The following LRIG3 variants were observed in gnomAD, a reference collection of about 807,000 sequenced individuals.
LRIG3 encodes leucine rich repeats and immunoglobulin like domains 3.
In LRIG3, 76 loss-of-function variants were observed where a neutral mutation model predicts 114.5. That is an observed-to-expected ratio of 0.66 (90% CI 0.55 to 0.80). The LOEUF (loss-of-function observed/expected upper bound fraction) is 0.80. LRIG3 is among the 30% of genes least tolerant of loss of function. LRIG3 has a pLI of 0.00. For synonymous variants in LRIG3, 512 were observed against 519.8 expected (o/e 0.98, Z 0.20); for missense variants, 1,239 against 1,382.8 (o/e 0.90, Z 1.65).
At chr12:58,879,148 T>C in intron 13 of LRIG3, 43 bp from the exon 14 acceptor site, 2 of 1,543,664 alleles carry the variant, frequency 1.3e-6, no homozygotes, top group Non-Finnish European at 1.8e-6. Flanking sequence ...CAGTGGAGTC[T>C]TACAGGTTCA....
Position 58,909,400 on chromosome 12 carries a change from C to A in LRIG3, c.383+4582G>T, listed in dbSNP as rs144440722. ...CATTCTCCTTTCTTTCTCTTCATAG[C>A]ATTGATCATGAACTGATGTTATCTT... is the stretch of plus-strand genomic sequence containing the variant. On this transcript the variant is annotated intron_variant, in intron 3 of 18. Coordinates refer to ENST00000320743, the MANE Select transcript of LRIG3 (RefSeq NM_153377.5). Among the ~76,000 whole-genome samples, 369 of 152,296 alleles carry A rather than the reference C, an allele frequency of 2.4e-3. 3 individuals carry two copies. Among genetic ancestry groups the A allele is most frequent in the African/African-American group, 7.4e-3 (307 of 41,560 alleles).
intron 3 of LRIG3, among the ~76,000 whole-genome samples, chr12:58,900,680 C>T (rs1300469540): frequency 1.3e-5 from 2 of 152,158 alleles, no homozygotes; most frequent in Admixed American, 6.5e-5. Flanking sequence ...GATGATAGTA[C>T]AAACCAGAAA....
intron 3 of LRIG3, among the ~76,000 whole-genome samples, chr12:58,908,342 C>T (rs1872145771): frequency 6.6e-6 from 1 of 152,134 alleles, no homozygotes; most frequent in South Asian, 2.1e-4. Flanking sequence ...GGTTTTGTCA[C>T]TGTTGTGCAT....
intron 1 of LRIG3, among the ~76,000 whole-genome samples, chr12:58,919,744 G>T (rs1192212664): frequency 6.6e-6 from 1 of 152,134 alleles, no homozygotes; most frequent in African/African-American, 2.4e-5. Flanking sequence ...GTCGTTACTG[G>T]CCCCCAACCC....
chr12:58,876,382 A>T, intron 16 of LRIG3, 63 bp downstream of exon 16: 1 of 1,548,754 alleles, frequency 6.5e-7, no homozygotes, highest in Non-Finnish European at 8.8e-7. Flanking sequence ...TGAATATCAT[A>T]TCTGAGCCTT....
intron 1 of LRIG3, 66 bp from the exon 2 acceptor site, chr12:58,914,402 T>A (rs1305147122): frequency 2.4e-6 from 3 of 1,242,036 alleles, no homozygotes; most frequent in Non-Finnish European, 3.5e-6. Flanking sequence ...TAACTGGGCT[T>A]ATGAAGTATC....
intron 3 of LRIG3, among the ~76,000 whole-genome samples, chr12:58,895,302 A>G (rs551275683): frequency 8.5e-5 from 13 of 152,256 alleles, no homozygotes; most frequent in African/African-American, 3.1e-4. Context: ...AGGAGTGGGC[A>G]GTGGAAGTAC....
intron 1 of LRIG3, among the ~76,000 whole-genome samples, chr12:58,917,333 G>T (rs1341620260): frequency 6.6e-6 from 1 of 152,166 alleles, no homozygotes; most frequent in African/African-American, 2.4e-5. Context: ...CAACTTTTCC[G>T]TCTCTGGGCT....
chr12:58,890,687 G>A lies in LRIG3; in HGVS notation c.493C>T (p.Pro165Ser). ...NNISELQTAF[P>S]ALQLKYLYLN... ...TACAGATATTTGAGCTGTAGGGCTG[G>A]AAATGCAGTTTGGAGCTCTGAAATA... is the stretch of plus-strand genomic sequence containing the variant. The change falls in exon 4 of 19, where the codon CCA becomes TCA. Residue 165 changes from proline to serine, a missense_variant. Pro to Ser is a moderately conservative substitution (Grantham distance 74). Coordinates refer to ENST00000320743, the MANE Select transcript of LRIG3 (RefSeq NM_153377.5). The A allele has an allele frequency of 6.2e-7, 1 of 1,601,522 alleles. No homozygotes were observed. The highest frequency in any genetic ancestry group is 8.5e-7 in the Non-Finnish European group (1 of 1,174,986).
Position 58,913,973 on chromosome 12 carries a change from T to C in LRIG3, c.383+9A>G, listed in dbSNP as rs1287040024. ...ACATACATGAGGAATTCTGCTGATA[T>C]TCACTTACAAGGAGAGAAGTGTAAT... On this transcript the variant is annotated intron_variant, in intron 3 of 18. Transcript: ENST00000320743. 3 of 1,608,788 alleles carry C rather than the reference T, an allele frequency of 1.9e-6. No homozygotes were observed. The highest frequency in any genetic ancestry group is 1.1e-5 in the South Asian group (1 of 89,606).
At chr12:58,909,843 C>A (rs1435978276) in intron 3 of LRIG3, among the ~76,000 whole-genome samples, 1 of 152,224 alleles carries the variant, frequency 6.6e-6, no homozygotes, top group Non-Finnish European at 1.5e-5. Context: ...GAAGAACAGG[C>A]CACCATGGCT....
At chr12:58,880,507 TAA>T in intron 13 of LRIG3, 72 bp downstream of exon 13, 1 of 1,435,068 alleles carries the variant, frequency 7.0e-7, no homozygotes. Flanking sequence ...GGGTTAAGAT[TAA>T]GAGAGAAAAA....
intron 2 of LRIG3, 77 bp from the exon 3 acceptor site, chr12:58,914,133 T>A (rs1872387500): frequency 6.5e-7 from 1 of 1,535,458 alleles, no homozygotes; most frequent in African/African-American, 1.4e-5. Context: ...AAACTTTACA[T>A]ATTATTTCAA....
Position 58,880,707 on chromosome 12 carries a change from C to A in LRIG3, c.1675G>T (p.Val559Leu), listed in dbSNP as rs111815783. 211 of 1,614,204 alleles carry A rather than the reference C, an allele frequency of 1.3e-4. No individual in the cohort carries two copies. Among genetic ancestry groups the A allele is most frequent in the Non-Finnish European group, 1.8e-4 (207 of 1,180,036 alleles). The change falls in exon 13 of 19, where the codon GTG (valine) becomes TTG (leucine). Residue 559 changes from valine to leucine, a missense_variant. Val to Leu is a conservative substitution (Grantham distance 32, BLOSUM62 1). Coordinates refer to ENST00000320743, the MANE Select transcript of LRIG3 (RefSeq NM_153377.5). ...CGAAGGATGGTGGTATACTCCATCA[C>A]CTCGCCACCTTGGGCCCGGAGGTGT... The part of the protein sequence containing the change: ...YAHLRAQGGE[V>L]MEYTTILRLR...
At chr12:58,884,550 G>T in intron 10 of LRIG3, among the ~76,000 whole-genome samples, 1 of 152,174 alleles carries the variant, frequency 6.6e-6, no homozygotes, top group Non-Finnish European at 1.5e-5. Flanking sequence ...AAACCCTTTT[G>T]GCTAGTTTTC....
chr12:58,889,652 G>A (rs1871386101), intron 5 of LRIG3, among the ~76,000 whole-genome samples: 1 of 152,066 alleles, frequency 6.6e-6, no homozygotes, highest in Admixed American at 6.6e-5. Flanking sequence ...AGCTATCAGA[G>A]CCTCCTGGAG....
At chr12:58,919,471 T>C (rs1156955877) in intron 1 of LRIG3, 4 of 1,551,624 alleles carry the variant, frequency 2.6e-6, no homozygotes, top group Middle Eastern at 1.7e-4. Flanking sequence ...ACAACAGAAG[T>C]ACGTCCACCA....
At chr12:58,879,830 T>G (rs1206239896) in intron 13 of LRIG3, among the ~76,000 whole-genome samples, 1 of 152,228 alleles carries the variant, frequency 6.6e-6, no homozygotes, top group Non-Finnish European at 1.5e-5. Context: ...CAGGTCCTAT[T>G]ATCCCTAATT....
intron 3 of LRIG3, among the ~76,000 whole-genome samples, chr12:58,912,871 T>C (rs1471232667): frequency 6.6e-6 from 1 of 152,254 alleles, no homozygotes; most frequent in Non-Finnish European, 1.5e-5. Context: ...AGCATAAAAA[T>C]GTTTTTTAAA....
Sources: allele counts gnomAD v4.1 joint callset (sites outside exome capture counted in the v4.1 genomes callset), GRCh38; gene constraint gnomAD v4.1.1; transcripts MANE v1.5; gene names NCBI Gene and HGNC (gene_info 2026-07-23, HGNC 2026-07-21).